Variants in LRRTM2 observed in about 807,000 individuals in gnomAD.
The protein encoded by LRRTM2 is leucine rich repeat transmembrane neuronal 2, also known as leucine-rich repeat transmembrane neuronal protein 2.
A neutral mutation model predicts 40.7 loss-of-function variants in LRRTM2; 14 were observed. The ratio of observed to expected loss-of-function variants is 0.34; its 90% confidence interval spans 0.23 to 0.54. The LOEUF (loss-of-function observed/expected upper bound fraction) is 0.54, where lower values mean the gene tolerates loss of function less well. Ranked by LOEUF, LRRTM2 falls within the 20% of genes least tolerant of loss-of-function variation. LRRTM2 has a pLI of 0.92. For missense variants in LRRTM2, 468 were observed against 624.4 expected (o/e 0.75, Z 2.67); for synonymous variants, 223 against 237.6 (o/e 0.94, Z 0.57).
rs545320475 is a variant in LRRTM2, at chr5:138,872,594, A to C, written c.*416T>G. 4.9e-4 allele frequency: 75 copies of C among 154,594 alleles called. No homozygotes were observed. Among genetic ancestry groups the C allele is most frequent in the Non-Finnish European group, 9.2e-4 (64 of 69,594 alleles). The allele number at this position is 154,594 out of a possible 1,614,324, so 9.6% of individuals were successfully genotyped here. A position where few individuals can be genotyped will look rare whatever the true frequency, so the allele number is the denominator to read the frequency against. On this transcript the variant is annotated 3_prime_UTR_variant, in exon 2 of 2. Transcript: ENST00000274711. ...TTTACTAAGTCTCCTTTTAAGCAGC[A>C]AGATAGTTGTGGTACATGGGATGGA...
chr5:138,873,473 A>G lies in LRRTM2; in HGVS notation c.1088T>C (p.Leu363Ser). 2 of 1,614,060 alleles carry G rather than the reference A, an allele frequency of 1.2e-6. No homozygotes were observed. Among genetic ancestry groups the G allele is most frequent in the South Asian group, 2.2e-5 (2 of 91,084 alleles). The change falls in exon 2 of 2, where the codon TTG (leucine) becomes TCG (serine). Residue 363 changes from leucine (L) to serine (S), a missense_variant. Coordinates refer to ENST00000274711, the MANE Select transcript of LRRTM2 (RefSeq NM_015564.3). This position sits in a 1 kb window ranked among gnomAD's most constrained non-coding sequence, Gnocchi z 6.1. ...AVHGFQLCWN[L>S]STTVTVMATT... ...AGCCATGACAGTGACAGTGGTTGAC[A>G]AATTCCAGCAGAGCTGAAATCCATG...
chr5:138,873,566 C>T lies in LRRTM2; in HGVS notation c.995G>A (p.Arg332Gln), dbSNP rs1038326021. ...GTGGCATAGGATGGAGTGTTCCCAC[C>T]GACCTTGGAAACTGCCCAGCCAGGA... ...LASWLGSFQGRWEHSILCHSP... is the reference protein window; with the variant it reads ...LASWLGSFQGQWEHSILCHSP... The change falls in exon 2 of 2, where the codon CGG becomes CAG. Residue 332 changes from arginine to glutamine, a missense_variant. Transcript: ENST00000274711. This position sits in a 1 kb window ranked among gnomAD's most constrained non-coding sequence, Gnocchi z 6.1. 8 of 1,613,844 alleles carry T rather than the reference C, an allele frequency of 5.0e-6. No homozygotes were observed. The highest frequency in any genetic ancestry group is 4.0e-5 in the African/African-American group (3 of 74,918).
Position 138,872,972 on chromosome 5 carries a change from G to A in LRRTM2, c.*38C>T, listed in dbSNP as rs921826513. The A allele has an allele frequency of 2.1e-6, 3 of 1,436,440 alleles. No individual in the cohort carries two copies. In the African/African-American group the frequency reaches 4.3e-5, roughly 20 times the overall value. The allele number at this position is 1,436,440 out of a possible 1,614,324, so 89.0% of individuals were successfully genotyped here. On this transcript the variant is annotated 3_prime_UTR_variant, in exon 2 of 2. Coordinates refer to ENST00000274711, the MANE Select transcript of LRRTM2 (RefSeq NM_015564.3). ...ATTTAGCCTCTACTATGTAAAATAGGTTACTTATCTGATGTGATTTTTGAT... is the reference window on the plus strand; with the variant it reads ...ATTTAGCCTCTACTATGTAAAATAGATTACTTATCTGATGTGATTTTTGAT...
At position 138,874,471 on chromosome 5, in the gene LRRTM2, C is replaced by T; in HGVS notation, c.90G>A (p.Leu30=). The T allele has an allele frequency of 1.9e-6, 3 of 1,612,898 alleles. No individual in the cohort carries two copies. The highest frequency in any genetic ancestry group is 2.5e-6 in the Non-Finnish European group (3 of 1,179,388). The change falls in exon 2 of 2, where the codon CTG becomes CTA. Residue 30 remains leucine, a synonymous_variant. Transcript: ENST00000274711. This position sits in a 1 kb window ranked among gnomAD's most constrained non-coding sequence, Gnocchi z 4.1. ...GGCATTTGGGTGGACACGCCATACC[C>T]AGGGCAGGCAGCATTTTTAAAACCA... is the stretch of plus-strand genomic sequence containing the variant. ...MSMVLKMLPA[L]GMACPPKCRC... is the part of the protein sequence containing the mutation.
Position 138,875,022 on chromosome 5 carries a change from T to C in LRRTM2, c.-111A>G. 1 of 1,068,746 alleles carries C rather than the reference T, an allele frequency of 9.4e-7. No homozygotes were observed. Among genetic ancestry groups the C allele is most frequent in the Non-Finnish European group, 1.4e-6 (1 of 713,204 alleles). 66.2% of individuals were successfully genotyped at this position (1,068,746 alleles called of 1,614,324 possible). A position where few individuals can be genotyped will look rare whatever the true frequency, so the allele number is the denominator to read the frequency against. On this transcript the variant is annotated 5_prime_UTR_variant, in exon 1 of 2. Transcript: ENST00000274711. ...CCTTTGACCAGTTTCCTGTTTTCTGTGTCCCAGGCTTTCCAAGTAAAATTG... is the reference window on the plus strand; with the variant it reads ...CCTTTGACCAGTTTCCTGTTTTCTGCGTCCCAGGCTTTCCAAGTAAAATTG...
chr5:138,874,977 A>C lies in LRRTM2; in HGVS notation c.-66T>G, dbSNP rs754426028. ...TAGACTCAACGCAGTGAGTCTGTAAAAGGCTCTAACATGTAGGAGCCTTTG... is the reference window on the plus strand; with the variant it reads ...TAGACTCAACGCAGTGAGTCTGTAACAGGCTCTAACATGTAGGAGCCTTTG... On this transcript the variant is annotated 5_prime_UTR_variant, in exon 1 of 2. Transcript: ENST00000274711. The surrounding 1 kb of genome is among the most constrained non-coding windows in gnomAD (Gnocchi z 4.1). 2 of 1,580,722 alleles carry C rather than the reference A, an allele frequency of 1.3e-6. No individual in the cohort carries two copies. Among genetic ancestry groups the C allele is most frequent in the Non-Finnish European group, 8.7e-7 (1 of 1,152,320 alleles).
At position 138,873,690 on chromosome 5, in the gene LRRTM2, T is replaced by C; in HGVS notation, c.871A>G (p.Ser291Gly). ...ILLMDNNKLN[S>G]LDSKILNSLR... ...GAGTTTAAGATCTTGGAATCAAGGC[T>C]GTTTAACTTGTTGTTATCCATGAGG... Residue 291 changes from serine to glycine, a missense_variant, in exon 2 of 2, where the codon AGC becomes GGC. Coordinates refer to ENST00000274711, the MANE Select transcript of LRRTM2 (RefSeq NM_015564.3). The surrounding 1 kb of genome is among the most constrained non-coding windows in gnomAD (Gnocchi z 6.1). The C allele has an allele frequency of 6.2e-7, 1 of 1,614,058 alleles. No homozygotes were observed. The highest frequency in any genetic ancestry group is 2.2e-5 in the East Asian group (1 of 44,884).
Position 138,874,564 on chromosome 5 carries a change from A to G in LRRTM2, c.5-8T>C. ...GCCACTTGAAATGTAAGCCTGCAGA[A>G]TATAATTTAAGGAAAACAAGAAGAT... On this transcript the variant is annotated splice_polypyrimidine_tract_variant and splice_region_variant and intron_variant, in intron 1 of 1. Transcript: ENST00000274711. The surrounding 1 kb of genome is among the most constrained non-coding windows in gnomAD (Gnocchi z 4.1). 1.3e-6 allele frequency: 2 copies of G among 1,492,780 alleles called. No individual in the cohort carries two copies. Among genetic ancestry groups the G allele is most frequent in the South Asian group, 1.3e-5 (1 of 78,352 alleles). The allele number at this position is 1,492,780 out of a possible 1,614,324, so 92.5% of individuals were successfully genotyped here.
rs1023255075 is a variant in LRRTM2 at position 138,871,378 on chromosome 5, T to A, written c.*1632A>T. On this transcript the variant is annotated 3_prime_UTR_variant, in exon 2 of 2. Transcript: ENST00000274711. ...ATGTGGAACAATGTTTATGGAAAAG[T>A]TCTGTGTGAATGAGTAGCTTGCATC... 3 of 152,250 alleles carry A rather than the reference T, an allele frequency of 2.0e-5. No homozygotes were observed. In the South Asian group the frequency reaches 6.2e-4, roughly 32 times the overall value. 9.4% of individuals were successfully genotyped at this position (152,250 alleles called of 1,614,324 possible).
rs1561617798 is a variant in LRRTM2, at chr5:138,871,804, G to GA, written c.*1205_*1206insT. 7.2e-5 allele frequency: 11 copies of GA among 152,192 alleles called. No homozygotes were observed. The highest frequency in any genetic ancestry group is 6.5e-5 in the Admixed American group (1 of 15,286). 9.4% of individuals were successfully genotyped at this position (152,192 alleles called of 1,614,324 possible). ...TGAACTACACTTACAGCGTGAATGC[G>GA]TATCTTTATTGAAAGATCGAAATGT... On this transcript the variant is annotated 3_prime_UTR_variant, in exon 2 of 2. Coordinates refer to ENST00000274711, the MANE Select transcript of LRRTM2 (RefSeq NM_015564.3).
In LRRTM2 at chr5:138,873,162, G is replaced by A. The variant is rs1309155399; in HGVS notation, c.1399C>T (p.Leu467Phe). The A allele has an allele frequency of 1.2e-6, 2 of 1,613,992 alleles. No individual in the cohort carries two copies. The highest frequency in any genetic ancestry group is 2.2e-5 in the South Asian group (2 of 91,084). The change falls in exon 2 of 2, where the codon CTC (leucine) becomes TTC (phenylalanine). Residue 467 changes from leucine to phenylalanine, a missense_variant. Physicochemically the swap from Leu to Phe is conservative, Grantham distance 22 (BLOSUM62 0). Transcript: ENST00000274711. This position sits in a 1 kb window ranked among gnomAD's most constrained non-coding sequence, Gnocchi z 6.1. ...ATATGGAGTCGTGTTTGGGATCGGA[G>A]CTGCCTGTGGTTCTGAACCATTGAG... ...QCSMVQNHRQ[L>F]RSQTRLHMSN... is the part of the protein sequence containing the mutation.
rs961993749 is a variant in LRRTM2 at position 138,869,050 on chromosome 5, C to A, written c.*3960G>T. ...TTCCCACCCTCAACCCATCTGCCCA[C>A]CTCCCACCCAAAAAGAAAAATGGCT... On this transcript the variant is annotated 3_prime_UTR_variant, in exon 2 of 2. Transcript: ENST00000274711. 2 of 150,392 alleles carry A rather than the reference C, an allele frequency of 1.3e-5. No individual in the cohort carries two copies. The highest frequency in any genetic ancestry group is 3.0e-5 in the Non-Finnish European group (2 of 67,714). 9.3% of individuals were successfully genotyped at this position (150,392 alleles called of 1,614,324 possible). A position where few individuals can be genotyped will look rare whatever the true frequency, so the allele number is the denominator to read the frequency against.
At position 138,870,121 on chromosome 5, in the gene LRRTM2, T is replaced by C. The variant is rs1054512276; in HGVS notation, c.*2889A>G. The C allele has an allele frequency of 1.3e-5, 2 of 152,096 alleles. No individual in the cohort carries two copies. The highest frequency in any genetic ancestry group is 4.8e-5 in the African/African-American group (2 of 41,414). The allele number at this position is 152,096 out of a possible 1,614,324, so 9.4% of individuals were successfully genotyped here. On this transcript the variant is annotated 3_prime_UTR_variant, in exon 2 of 2. Coordinates refer to ENST00000274711, the MANE Select transcript of LRRTM2 (RefSeq NM_015564.3). ...AAAAATAGAAAAAAAATGGAGTGGG[T>C]AGTGGTGGTGAAGAGGATAAAACCC...
chr5:138,872,904 G>T lies in LRRTM2; in HGVS notation c.*106C>A. 2 of 772,912 alleles carry T rather than the reference G, an allele frequency of 2.6e-6. No individual in the cohort carries two copies. The highest frequency in any genetic ancestry group is 3.9e-6 in the Non-Finnish European group (2 of 510,084). 47.9% of individuals were successfully genotyped at this position (772,912 alleles called of 1,614,324 possible). ...AAAAACTAAGTCTCCACTTAGTTTGGAAAATTAGGCTTAATGTCACCATTG... is the reference window on the plus strand; with the variant it reads ...AAAAACTAAGTCTCCACTTAGTTTGTAAAATTAGGCTTAATGTCACCATTG... On this transcript the variant is annotated 3_prime_UTR_variant, in exon 2 of 2. Transcript: ENST00000274711.
rs1400784482 is a variant in LRRTM2, at chr5:138,873,919, G to A, written c.642C>T (p.His214=). ...LIKLRELHLE[H]NQLTKINFAH... is the part of the protein sequence containing the mutation. Reference sequence around the variant, plus strand: ...CAAAATTAATCTTCGTCAGCTGGTTGTGCTCTAGGTGAAGCTCTCTCAGTT... The same window carrying A: ...CAAAATTAATCTTCGTCAGCTGGTTATGCTCTAGGTGAAGCTCTCTCAGTT... The change falls in exon 2 of 2, where the codon CAC becomes CAT. Residue 214 remains histidine (H), a synonymous_variant. Transcript: ENST00000274711. This position sits in a 1 kb window ranked among gnomAD's most constrained non-coding sequence, Gnocchi z 6.1. The A allele has an allele frequency of 1.4e-5, 22 of 1,613,914 alleles. No individual in the cohort carries two copies. Among genetic ancestry groups the A allele is most frequent in the Non-Finnish European group, 1.7e-5 (20 of 1,179,910 alleles).
Position 138,874,035 on chromosome 5 carries a change from G to A in LRRTM2, c.526C>T (p.Leu176=). 1.9e-6 allele frequency: 3 copies of A among 1,613,986 alleles called. No homozygotes were observed. Among genetic ancestry groups the A allele is most frequent in the South Asian group, 1.1e-5 (1 of 91,084 alleles). The change falls in exon 2 of 2, where the codon CTG becomes TTG. Residue 176 remains leucine (L), a synonymous_variant. Transcript: ENST00000274711. This position sits in a 1 kb window ranked among gnomAD's most constrained non-coding sequence, Gnocchi z 4.1. ...SNSLRTIPVR[L]FWDCRSLEFL... ...TCCAGACTACGACAGTCCCAGAACA[G>A]GCGTACTGGGATAGTCCGCAGGGAG...
chr5:138,873,264 A>G lies in LRRTM2; in HGVS notation c.1297T>C (p.Ser433Pro), dbSNP rs1299994336. The change falls in exon 2 of 2, where the codon TCT (serine) becomes CCT (proline). Residue 433 changes from serine (S) to proline (P), a missense_variant. By Grantham distance (74) the Ser-to-Pro change is moderately conservative (BLOSUM62 -1). Transcript: ENST00000274711. The surrounding 1 kb of genome is among the most constrained non-coding windows in gnomAD (Gnocchi z 6.1). ...ACTATAAAAATAATAAAAAAGAAAG[A>G]AAACAATAAAGCCATTGTTCCCGTA... The part of the protein sequence containing the change: ...VITGTMALLF[S>P]FFFIIFIVFI... 1 of 1,613,878 alleles carries G rather than the reference A, an allele frequency of 6.2e-7. No individual in the cohort carries two copies. The highest frequency in any genetic ancestry group is 2.2e-5 in the East Asian group (1 of 44,882).
In LRRTM2 at chr5:138,874,890, A is replaced by T. The variant is rs199741027; in HGVS notation, c.4+18T>A. On this transcript the variant is annotated intron_variant, in intron 1 of 1. Coordinates refer to ENST00000274711, the MANE Select transcript of LRRTM2 (RefSeq NM_015564.3). The surrounding 1 kb of genome is among the most constrained non-coding windows in gnomAD (Gnocchi z 4.1). ...ATTCCTTGTTGAATGTACAAGACATATAAATGCACAGACTTACCCATTCTT... is the reference window on the plus strand; with the variant it reads ...ATTCCTTGTTGAATGTACAAGACATTTAAATGCACAGACTTACCCATTCTT... The T allele has an allele frequency of 1.2e-6, 2 of 1,610,830 alleles. No individual in the cohort carries two copies.
Position 138,873,507 on chromosome 5 carries a change from C to T in LRRTM2, c.1054G>A (p.Asp352Asn). ...CAGAGCTGAAATCCATGGACTGCAT[C>T]TAGAATATCCTCTCCTTGGGTGTGG... ...PDHTQGEDIL[D>N]AVHGFQLCWN... Residue 352 changes from aspartate to asparagine, a missense_variant, in exon 2 of 2, where the codon GAT (aspartate) becomes AAT (asparagine). By Grantham distance (23) the Asp-to-Asn change is conservative. Coordinates refer to ENST00000274711, the MANE Select transcript of LRRTM2 (RefSeq NM_015564.3). The surrounding 1 kb of genome is among the most constrained non-coding windows in gnomAD (Gnocchi z 6.1). 2 of 1,614,008 alleles carry T rather than the reference C, an allele frequency of 1.2e-6. No individual in the cohort carries two copies. Among genetic ancestry groups the T allele is most frequent in the South Asian group, 2.2e-5 (2 of 91,082 alleles).
Sources: gnomAD v4.1 joint callset for allele counts on GRCh38, gnomAD v4.1.1 for gene constraint, Gnocchi (gnomAD v3.1) non-coding constraint, MANE v1.5 for transcripts, NCBI Gene and HGNC (gene_info 2026-07-23, HGNC 2026-07-21) for gene names.